SOX6: variants seen among roughly 807,000 people sequenced by gnomAD.
The protein encoded by SOX6 is SRY-box transcription factor 6, also known as transcription factor SOX-6.
SOX6 carries 11 observed loss-of-function variants against 97.8 expected under a neutral mutation model. That is an observed-to-expected ratio of 0.11 (90% CI 0.07 to 0.19). SOX6 has a LOEUF of 0.19. Ranked by LOEUF, SOX6 falls within the 10% of genes least tolerant of loss-of-function variation. The probability of loss-of-function intolerance (pLI) is 1.00; values close to 1 mark genes in which losing one functional copy is unlikely to be tolerated. For missense variants in SOX6, 810 were observed against 1,039.5 expected (o/e 0.78, Z 3.04); for synonymous variants, 360 against 371.4 (o/e 0.97, Z 0.35).
Position 16,353,277 on chromosome 11 carries a change from G to A in SOX6, c.-5+2817C>T, listed in dbSNP as rs1313647819. On this transcript the variant is annotated intron_variant, in intron 1 of 15. Transcript: ENST00000683767. Reference sequence around the variant, plus strand: ...ACAAGATGAGGAGCTTGAACAATATGTATTTAACACACTACCCGTCTAGAG... The same window carrying A: ...ACAAGATGAGGAGCTTGAACAATATATATTTAACACACTACCCGTCTAGAG... Among the ~76,000 whole-genome samples the A allele has an allele frequency of 2.6e-5, 4 of 151,972 alleles. No homozygotes were observed. The East Asian group carries it at 5.8e-4, about 22-fold the overall frequency.
intron 3 of SOX6, among the ~76,000 whole-genome samples, chr11:16,256,871 T>C (rs1325314907): frequency 1.3e-5 from 2 of 151,710 alleles, no homozygotes; most frequent in Admixed American, 6.6e-5. Flanking sequence ...GGTTGCAAAA[T>C]ACAAGGCTAA....
intron 2 of SOX6, among the ~76,000 whole-genome samples, chr11:16,321,775 G>C (rs1855934031): frequency 6.6e-6 from 1 of 152,056 alleles, no homozygotes. Flanking sequence ...TGTAAAAATA[G>C]GCAGTAAATA....
rs564545807 is a variant in SOX6, at chr11:16,280,397, A to G, written c.445+38049T>C. Reference sequence around the variant, plus strand: ...TTGAGCTTTTTTTTTTTTTATAGAAACCGTATGCATGACTTTCACTTTCTA... The same window carrying G: ...TTGAGCTTTTTTTTTTTTTATAGAAGCCGTATGCATGACTTTCACTTTCTA... On this transcript the variant is annotated intron_variant, in intron 3 of 15. Coordinates refer to ENST00000683767, the MANE Select transcript of SOX6 (RefSeq NM_001367873.1). Among the ~76,000 whole-genome samples the G allele has an allele frequency of 1.1e-4, 16 of 151,300 alleles. No homozygotes were observed. The East Asian group carries it at 2.7e-3, about 26-fold the overall frequency.
chr11:16,597,182 G>A (rs1342055722), intron 4 of SOX6, among the ~76,000 whole-genome samples: 4 of 151,952 alleles, frequency 2.6e-5, no homozygotes, highest in Non-Finnish European at 5.9e-5. Context: ...AAAGGCTGAC[G>A]AGTACTATAA....
At chr11:16,148,857 G>T (rs1427058790) in intron 6 of SOX6, among the ~76,000 whole-genome samples, 1 of 149,964 alleles carries the variant, frequency 6.7e-6, no homozygotes, top group African/African-American at 2.4e-5. Context: ...ACATTAAGAA[G>T]AAAAAAAAAG....
At chr11:16,051,095 T>C (rs111463937) in intron 10 of SOX6, among the ~76,000 whole-genome samples, 1,602 of 151,404 alleles carry the variant, frequency 0.011, 27 homozygotes, top group African/African-American at 0.037. Flanking sequence ...AGTACTAATA[T>C]CATTGATTAA....
At chr11:16,243,261 A>G (rs1853245002) in intron 3 of SOX6, among the ~76,000 whole-genome samples, 2 of 151,950 alleles carry the variant, frequency 1.3e-5, no homozygotes, top group Non-Finnish European at 2.9e-5. Flanking sequence ...CTCCTTTTAC[A>G]TCTACCACCA....
intron 4 of SOX6, among the ~76,000 whole-genome samples, chr11:16,573,762 A>G (rs1847958993): frequency 6.6e-6 from 1 of 152,222 alleles, no homozygotes; most frequent in African/African-American, 2.4e-5. Context: ...GCACAAAGAT[A>G]TTACTACTTA....
chr11:16,632,646 G>A (rs1403809232), intron 3 of SOX6, among the ~76,000 whole-genome samples: 1 of 152,198 alleles, frequency 6.6e-6, no homozygotes, highest in African/African-American at 2.4e-5. Context: ...AGCACTGAGG[G>A]AGAATCGAAT....
intron 2 of SOX6, among the ~76,000 whole-genome samples, chr11:16,336,301 G>A (rs1424024155): frequency 6.6e-6 from 1 of 151,956 alleles, no homozygotes; most frequent in Non-Finnish European, 1.5e-5. Flanking sequence ...CTCTCACCTC[G>A]GCCCATTCTC....
intron 2 of SOX6, among the ~76,000 whole-genome samples, chr11:16,729,959 C>CA (rs1464616049): frequency 2.0e-5 from 3 of 149,280 alleles, no homozygotes; most frequent in Non-Finnish European, 3.0e-5. Flanking sequence ...CAACAAAGAT[C>CA]AAAAAAGACA....
At chr11:16,068,043 T>C (rs1444869356) in intron 9 of SOX6, among the ~76,000 whole-genome samples, 1 of 152,202 alleles carries the variant, frequency 6.6e-6, no homozygotes, top group Non-Finnish European at 1.5e-5. Context: ...GATTCTCTTC[T>C]AGTGTGACAG....
chr11:16,043,389 T>G (rs1170451641), intron 12 of SOX6, among the ~76,000 whole-genome samples: 3 of 152,148 alleles, frequency 2.0e-5, no homozygotes, highest in Admixed American at 2.0e-4. Flanking sequence ...CATTACAGTC[T>G]ATTGTCCCTA....
At chr11:16,244,874 T>G (rs1853292515) in intron 3 of SOX6, among the ~76,000 whole-genome samples, 1 of 151,770 alleles carries the variant, frequency 6.6e-6, no homozygotes, top group African/African-American at 2.4e-5. Flanking sequence ...AGCCTTACAA[T>G]AAGTTTTGAA....
chr11:16,518,985 A>T (rs920925380), intron 4 of SOX6, among the ~76,000 whole-genome samples: 1 of 152,162 alleles, frequency 6.6e-6, no homozygotes, highest in Non-Finnish European at 1.5e-5. Context: ...TATACTATTC[A>T]TATCTGAGCA....
chr11:16,464,454 GA>G (rs564705698), intron 1 of SOX6, among the ~76,000 whole-genome samples: 56 of 140,632 alleles, frequency 4.0e-4, no homozygotes, highest in Middle Eastern at 3.5e-3. Context: ...CTTTCTAAAT[GA>G]AAAAAAAAAG....
chr11:16,121,693 G>C (rs1176735451), intron 6 of SOX6, among the ~76,000 whole-genome samples: 1 of 151,922 alleles, frequency 6.6e-6, no homozygotes, highest in Non-Finnish European at 1.5e-5. Context: ...AAAATTGAGA[G>C]TATTTTTGAA....
At chr11:16,350,081 T>C (rs949489575) in intron 1 of SOX6, among the ~76,000 whole-genome samples, 2 of 152,226 alleles carry the variant, frequency 1.3e-5, no homozygotes, top group African/African-American at 4.8e-5. Context: ...GTGAAATGAA[T>C]TGAGGCTCAT....
At chr11:16,269,669 T>C (rs968173504) in intron 3 of SOX6, among the ~76,000 whole-genome samples, 1 of 151,002 alleles carries the variant, frequency 6.6e-6, no homozygotes, top group Non-Finnish European at 1.5e-5. Flanking sequence ...CTTTTAAGTT[T>C]ACTCCTAAAT....
Sources: gnomAD v4.1 joint callset for allele counts (sites outside exome capture counted in the v4.1 genomes callset) on GRCh38, gnomAD v4.1.1 for gene constraint, MANE v1.5 for transcripts, NCBI Gene and HGNC (gene_info 2026-07-23, HGNC 2026-07-21) for gene names.